Variants in WNT3A observed in about 807,000 individuals in gnomAD.
WNT3A encodes protein Wnt-3a.
WNT3A carries 17 observed loss-of-function variants against 37.0 expected under a neutral mutation model. That is an observed-to-expected ratio of 0.46 (90% confidence interval 0.31 to 0.69). The LOEUF is 0.69. Ranked by LOEUF, WNT3A falls within the 30% of genes least tolerant of loss-of-function variation. The probability of loss-of-function intolerance (pLI) is 0.05; values close to 1 mark genes in which losing one functional copy is unlikely to be tolerated. For missense variants in WNT3A, 411 were observed against 510.2 expected, an observed-to-expected ratio of 0.81 and a Z score of 1.87; for synonymous variants, 187 against 211.0, an observed-to-expected ratio of 0.89 and a Z score of 0.99.
Position 228,007,284 on chromosome 1 carries a change from G to A in WNT3A, c.71+85G>A, listed in dbSNP as rs1168870351. The A allele has an allele frequency of 5.0e-6, 7 of 1,389,058 alleles. No homozygotes were observed. Among genetic ancestry groups the A allele is most frequent in the African/African-American group, 1.5e-5 (1 of 67,282 alleles). The allele number at this position is 1,389,058 out of a possible 1,614,324, so 86.0% of individuals were successfully genotyped here. A position where few individuals can be genotyped will look rare whatever the true frequency, so the allele number is the denominator to read the frequency against. On this transcript the variant is annotated intron_variant, in intron 1 of 3. Transcript: ENST00000284523. This position sits in a 1 kb window ranked among gnomAD's most constrained non-coding sequence, Gnocchi z 6.0. ...CCCCTCGGGCAGGGACCCCGCGGTG[G>A]CCCGAGCCCGCGCCCTTCTGCTCCA... is the stretch of plus-strand genomic sequence containing the variant.
rs1380475250 is a variant in WNT3A, at chr1:228,042,478, A to G, written c.314-8178A>G. ...ATGATGGATGAATGGTGATGGATGA[A>G]TGGTGATGGATGGATTAGAGATGGA... On this transcript the variant is annotated intron_variant, in intron 2 of 3. Transcript: ENST00000284523. This position sits in a 1 kb window ranked among gnomAD's most constrained non-coding sequence, Gnocchi z 5.2. 1.3e-5 allele frequency among the ~76,000 whole-genome samples: 2 copies of G among 151,300 alleles called. No homozygotes were observed. Among genetic ancestry groups the G allele is most frequent in the East Asian group, 2.0e-4 (1 of 5,054 alleles).
chr1:228,030,564 C>A (rs1049095460), intron 2 of WNT3A, among the ~76,000 whole-genome samples: 6 of 152,162 alleles, frequency 3.9e-5, no homozygotes, highest in African/African-American at 1.4e-4. Context: ...GGCACTGAAC[C>A]TGCCAGTGCC....
rs1414561513 is a variant in WNT3A at position 228,060,098 on chromosome 1, G to A, written c.*633G>A. 1.6e-6 allele frequency: 2 copies of A among 1,267,808 alleles called. No homozygotes were observed. The highest frequency in any genetic ancestry group is 1.1e-4 in the East Asian group (2 of 18,700). 78.5% of individuals were successfully genotyped at this position (1,267,808 alleles called of 1,614,324 possible). A position where few individuals can be genotyped will look rare whatever the true frequency, so the allele number is the denominator to read the frequency against. On this transcript the variant is annotated 3_prime_UTR_variant, in exon 4 of 4. Coordinates refer to ENST00000284523, the MANE Select transcript of WNT3A (RefSeq NM_033131.4). ...TGGCCTGCATAGGCTCCTTCCTGTGGGTGGGGCTTCTCTGGGACCAGGCTC... is the reference window on the plus strand; with the variant it reads ...TGGCCTGCATAGGCTCCTTCCTGTGAGTGGGGCTTCTCTGGGACCAGGCTC...
chr1:228,007,018 G>C lies in WNT3A; in HGVS notation c.-111G>C. ...AGCCCGCGCACACCCGCGCACCCGC[G>C]GCCGCAGGAGGGCCCAGCGACGCCG... is the stretch of plus-strand genomic sequence containing the variant. On this transcript the variant is annotated 5_prime_UTR_variant, in exon 1 of 4. Coordinates refer to ENST00000284523, the MANE Select transcript of WNT3A (RefSeq NM_033131.4). This position sits in a 1 kb window ranked among gnomAD's most constrained non-coding sequence, Gnocchi z 6.0. The C allele has an allele frequency of 1.8e-6, 1 of 563,852 alleles. No individual in the cohort carries two copies. The highest frequency in any genetic ancestry group is 2.4e-6 in the Non-Finnish European group (1 of 422,654). The allele number at this position is 563,852 out of a possible 1,614,324, so 34.9% of individuals were successfully genotyped here. A position where few individuals can be genotyped will look rare whatever the true frequency, so the allele number is the denominator to read the frequency against.
intron 3 of WNT3A, among the ~76,000 whole-genome samples, chr1:228,055,179 AATATATAT>A (rs1180107835): frequency 0.047 from 907 of 19,210 alleles, 31 homozygotes; most frequent in Middle Eastern, 0.1. Context: ...AAAAAAAAAA[AATATATAT>A]ATATATATAT....
intron 2 of WNT3A, among the ~76,000 whole-genome samples, chr1:228,034,985 C>T (rs1310823279): frequency 6.6e-6 from 1 of 152,132 alleles, no homozygotes; most frequent in Non-Finnish European, 1.5e-5. Flanking sequence ...ATATGCCACA[C>T]AGGTATACAT....
chr1:228,047,039 G>A lies in WNT3A; in HGVS notation c.314-3617G>A, dbSNP rs368359432. 2.0e-5 allele frequency among the ~76,000 whole-genome samples: 3 copies of A among 152,170 alleles called. No individual in the cohort carries two copies. The East Asian group carries it at 5.8e-4, about 29-fold the overall frequency. Reference sequence around the variant, plus strand: ...GAACCAGGAGGGGCAAATTGGCTGAGAGGCCCCAGGGCCACCTGGGAAGGC... The same window carrying A: ...GAACCAGGAGGGGCAAATTGGCTGAAAGGCCCCAGGGCCACCTGGGAAGGC... On this transcript the variant is annotated intron_variant, in intron 2 of 3. Coordinates refer to ENST00000284523, the MANE Select transcript of WNT3A (RefSeq NM_033131.4).
Position 228,007,408 on chromosome 1 carries a change from T to C in WNT3A, c.71+209T>C, listed in dbSNP as rs1270368076. 2.0e-5 allele frequency among the ~76,000 whole-genome samples: 3 copies of C among 151,894 alleles called. No individual in the cohort carries two copies. The highest frequency in any genetic ancestry group is 2.0e-4 in the Admixed American group (3 of 15,266). Reference sequence around the variant, plus strand: ...GTGGGTGGCGGAGTTTCCGGAGACATTGATTCCCGAGCGGGGGAGTAGGGG... The same window carrying C: ...GTGGGTGGCGGAGTTTCCGGAGACACTGATTCCCGAGCGGGGGAGTAGGGG... On this transcript the variant is annotated intron_variant, in intron 1 of 3. Transcript: ENST00000284523. The surrounding 1 kb of genome is among the most constrained non-coding windows in gnomAD (Gnocchi z 6.0).
chr1:228,032,649 C>A (rs1320292334), intron 2 of WNT3A, among the ~76,000 whole-genome samples: 1 of 152,108 alleles, frequency 6.6e-6, no homozygotes, highest in Non-Finnish European at 1.5e-5. Context: ...TAAATAATGC[C>A]TTTTGTGTGA....
intron 2 of WNT3A, among the ~76,000 whole-genome samples, chr1:228,047,896 C>T (rs1484099997): frequency 2.0e-5 from 3 of 152,124 alleles, no homozygotes; most frequent in Non-Finnish European, 4.4e-5. Flanking sequence ...GGGACCCACC[C>T]CCCATGACCC....
chr1:228,055,174 AAAAAAATATATATATATATATAT>A (rs1417790046), intron 3 of WNT3A, among the ~76,000 whole-genome samples: 1 of 64,864 alleles, frequency 1.5e-5, no homozygotes, highest in African/African-American at 6.7e-5. Flanking sequence ...AAAAAAAAAA[AAAAAAATATATATATATATATAT>A]ATATATATAT....
At chr1:228,029,740 A>AC (rs375574099) in intron 2 of WNT3A, among the ~76,000 whole-genome samples, 1,562 of 105,576 alleles carry the variant, frequency 0.015, 26 homozygotes, top group East Asian at 0.14. Context: ...GCTTGTGCCC[A>AC]CCCCCCCCCC....
At chr1:228,023,291 A>C (rs1044425297) in intron 2 of WNT3A, among the ~76,000 whole-genome samples, 4 of 143,268 alleles carry the variant, frequency 2.8e-5, no homozygotes, top group Non-Finnish European at 4.4e-5. Context: ...ACAGAGAGAA[A>C]GACAGAGAGA....
intron 3 of WNT3A, among the ~76,000 whole-genome samples, chr1:228,051,398 G>C (rs2031551089): frequency 6.6e-6 from 1 of 152,172 alleles, no homozygotes; most frequent in Non-Finnish European, 1.5e-5. Flanking sequence ...GGAACAAAGA[G>C]CATCTTGATC....
In WNT3A at chr1:228,037,630, A is replaced by AC. The variant is rs1032787096; in HGVS notation, c.314-13018dup. ...CCCCAAAGCCAGGTTGCGACCCCTG[A>AC]CCCCCCCCATCGGAAAGTGTTGCCG... On this transcript the variant is annotated intron_variant, in intron 2 of 3. Coordinates refer to ENST00000284523, the MANE Select transcript of WNT3A (RefSeq NM_033131.4). This position sits in a 1 kb window ranked among gnomAD's most constrained non-coding sequence, Gnocchi z 4.1. Among the ~76,000 whole-genome samples, 183 of 150,960 alleles carry AC rather than the reference A, an allele frequency of 1.2e-3. 1 individual carries two copies. Among genetic ancestry groups the AC allele is most frequent in the African/African-American group, 3.1e-3 (127 of 41,058 alleles).
chr1:228,059,761 G>A lies in WNT3A; in HGVS notation c.*296G>A. The A allele has an allele frequency of 8.2e-7, 1 of 1,226,010 alleles. No homozygotes were observed. The highest frequency in any genetic ancestry group is 1.0e-6 in the Non-Finnish European group (1 of 982,068). 75.9% of individuals were successfully genotyped at this position (1,226,010 alleles called of 1,614,324 possible). A position where few individuals can be genotyped will look rare whatever the true frequency, so the allele number is the denominator to read the frequency against. ...GGACGGGGCTCCCCTGGACAGAGGC[G>A]GGGCTACAGATTGGGCGGGGCTTCT... On this transcript the variant is annotated 3_prime_UTR_variant, in exon 4 of 4. Transcript: ENST00000284523.
intron 2 of WNT3A, among the ~76,000 whole-genome samples, chr1:228,023,266 A>G (rs1240012776): frequency 6.6e-6 from 1 of 151,796 alleles, no homozygotes; most frequent in Non-Finnish European, 1.5e-5. Flanking sequence ...GGGGCACCCT[A>G]GAGAAGAAAG....
intron 2 of WNT3A, among the ~76,000 whole-genome samples, chr1:228,048,122 A>G (rs2031465786): frequency 6.6e-6 from 1 of 152,186 alleles, no homozygotes; most frequent in African/African-American, 2.4e-5. Flanking sequence ...AGCAGGGGAC[A>G]CTGTGGGACG....
chr1:228,039,678 C>A lies in WNT3A; in HGVS notation c.314-10978C>A, dbSNP rs2031230016. ...AGACCCTTTAAGATATAGGTGCCCC[C>A]CACCCCAGTTGAACTTGGGTCCCCA... is the stretch of plus-strand genomic sequence containing the variant. On this transcript the variant is annotated intron_variant, in intron 2 of 3. Coordinates refer to ENST00000284523, the MANE Select transcript of WNT3A (RefSeq NM_033131.4). This position sits in a 1 kb window ranked among gnomAD's most constrained non-coding sequence, Gnocchi z 4.1. Among the ~76,000 whole-genome samples the A allele has an allele frequency of 6.6e-6, 1 of 152,146 alleles. No homozygotes were observed. The highest frequency in any genetic ancestry group is 2.4e-5 in the African/African-American group (1 of 41,422).
Sources: allele counts gnomAD v4.1 joint callset (sites outside exome capture counted in the v4.1 genomes callset), GRCh38; gene constraint gnomAD v4.1.1; non-coding constraint Gnocchi (gnomAD v3.1); transcripts MANE v1.5; gene names NCBI Gene and HGNC (gene_info 2026-07-23, HGNC 2026-07-21).